ARL15: variants seen among roughly 807,000 people sequenced by gnomAD.
The protein encoded by ARL15 is ARF like GTPase 15.
Under a neutral mutation model 25.2 loss-of-function variants are expected in ARL15, and 19 were observed. The observed-to-expected ratio is 0.75, with a 90% CI of 0.53 to 1.10. The LOEUF (loss-of-function observed/expected upper bound fraction) is 1.10. Ranked by LOEUF, ARL15 falls within the 50% of genes least tolerant of loss-of-function variation. ARL15 has a pLI of 0.00. For missense variants in ARL15, 220 were observed against 246.0 expected, an observed-to-expected ratio of 0.89 and a Z score of 0.71; for synonymous variants, 94 against 86.8, an observed-to-expected ratio of 1.08 and a Z score of -0.46.
At chr5:54,128,706 CTTTTTTTT>C (rs34430326) in intron 3 of ARL15, among the ~76,000 whole-genome samples, 4 of 130,254 alleles carry the variant, frequency 3.1e-5, no homozygotes, top group Admixed American at 2.5e-4. Context: ...TATTTTGATT[CTTTTTTTT>C]TTTTTTTTTG....
intron 4 of ARL15, among the ~76,000 whole-genome samples, chr5:54,014,455 A>G (rs558200331): frequency 1.9e-3 from 296 of 151,848 alleles, no homozygotes; most frequent in African/African-American, 6.8e-3. Context: ...GTAATCATTT[A>G]TTGCCCTTCA....
intron 3 of ARL15, among the ~76,000 whole-genome samples, chr5:54,128,706 C>CTTTT (rs34430326): frequency 2.3e-5 from 3 of 130,246 alleles, no homozygotes; most frequent in Non-Finnish European, 4.8e-5. Context: ...TATTTTGATT[C>CTTTT]TTTTTTTTTT....
chr5:54,214,838 C>A (rs571787856), intron 1 of ARL15, among the ~76,000 whole-genome samples: 1 of 152,126 alleles, frequency 6.6e-6, no homozygotes, highest in East Asian at 1.9e-4. Flanking sequence ...TAGCTGTGAC[C>A]CCACATTGGA....
At chr5:54,097,094 C>CTGTGA (rs1394377419) in intron 4 of ARL15, among the ~76,000 whole-genome samples, 2 of 152,090 alleles carry the variant, frequency 1.3e-5, no homozygotes, top group Non-Finnish European at 2.9e-5. Flanking sequence ...GGCACAGTGG[C>CTGTGA]TCATGAGGTC....
chr5:53,904,426 A>C (rs1444992419), intron 4 of ARL15, among the ~76,000 whole-genome samples: 6 of 152,204 alleles, frequency 3.9e-5, no homozygotes, highest in African/African-American at 2.4e-5. Flanking sequence ...GAAAAACTAA[A>C]TGGAATGAGT....
chr5:53,978,664 C>T (rs1357147046), intron 4 of ARL15, among the ~76,000 whole-genome samples: 2 of 138,410 alleles, frequency 1.4e-5, no homozygotes. Context: ...ATAAAAGAAG[C>T]ATCACAGCAG....
At chr5:54,032,910 T>G (rs529636193) in intron 4 of ARL15, among the ~76,000 whole-genome samples, 27 of 152,198 alleles carry the variant, frequency 1.8e-4, no homozygotes, top group African/African-American at 6.3e-4. Context: ...ACTAAAAATG[T>G]TGGTTAATGT....
At chr5:53,978,681 G>C (rs1015003933) in intron 4 of ARL15, among the ~76,000 whole-genome samples, 2 of 150,398 alleles carry the variant, frequency 1.3e-5, no homozygotes, top group Admixed American at 6.6e-5. Flanking sequence ...GCAGGCAAGA[G>C]GTATGCTAAA....
chr5:54,112,817 T>C (rs971043466), intron 4 of ARL15, among the ~76,000 whole-genome samples: 3 of 152,132 alleles, frequency 2.0e-5, no homozygotes, highest in Non-Finnish European at 2.9e-5. Context: ...AACAAGAACA[T>C]GACACCTGAA....
chr5:53,965,907 T>C (rs1436997884), intron 4 of ARL15, among the ~76,000 whole-genome samples: 1 of 152,184 alleles, frequency 6.6e-6, no homozygotes, highest in East Asian at 1.9e-4. Flanking sequence ...GTGGGGAACA[T>C]CGACAAACTC....
At chr5:53,939,559 A>G (rs1404293986) in intron 4 of ARL15, among the ~76,000 whole-genome samples, 1 of 152,050 alleles carries the variant, frequency 6.6e-6, no homozygotes, top group Admixed American at 6.5e-5. Context: ...ACATGATGAA[A>G]CCCTGTCTCT....
At chr5:54,231,338 C>A (rs1756664191) in intron 1 of ARL15, among the ~76,000 whole-genome samples, 2 of 152,128 alleles carry the variant, frequency 1.3e-5, no homozygotes, top group African/African-American at 2.4e-5. Flanking sequence ...TTCTCTCAAT[C>A]CCCACTGCCC....
chr5:53,983,545 A>G (rs1185963771), intron 4 of ARL15, among the ~76,000 whole-genome samples: 1 of 151,836 alleles, frequency 6.6e-6, no homozygotes, highest in Non-Finnish European at 1.5e-5. Flanking sequence ...ACTCTGGTTC[A>G]CTCCTGTTTC....
chr5:54,247,411 G>A (rs940781265), intron 1 of ARL15, among the ~76,000 whole-genome samples: 13 of 151,756 alleles, frequency 8.6e-5, no homozygotes, highest in South Asian at 6.2e-4. Context: ...ATGTGGGGTC[G>A]GCTGGTAGGG....
At chr5:53,929,817 C>A (rs966788408) in intron 4 of ARL15, among the ~76,000 whole-genome samples, 10 of 151,914 alleles carry the variant, frequency 6.6e-5, no homozygotes, top group African/African-American at 2.4e-4. Context: ...TGGCAGAATG[C>A]AAATGGGAAA....
chr5:54,148,109 T>C (rs1337271742), intron 3 of ARL15, among the ~76,000 whole-genome samples: 2 of 152,166 alleles, frequency 1.3e-5, no homozygotes, highest in Non-Finnish European at 2.9e-5. Flanking sequence ...AAGCTTTATT[T>C]TGGTGAAAGA....
At chr5:54,168,097 A>G (rs1233694579) in intron 2 of ARL15, among the ~76,000 whole-genome samples, 2 of 152,242 alleles carry the variant, frequency 1.3e-5, no homozygotes, top group Admixed American at 6.5e-5. Flanking sequence ...GGTTGTTTGT[A>G]TATTTTGTTA....
chr5:54,141,967 C>A (rs1753794246), intron 3 of ARL15, among the ~76,000 whole-genome samples: 1 of 152,126 alleles, frequency 6.6e-6, no homozygotes, highest in Non-Finnish European at 1.5e-5. Flanking sequence ...TATCCATTCA[C>A]CAATTGATGA....
intron 4 of ARL15, among the ~76,000 whole-genome samples, chr5:54,054,194 C>T (rs987643210): frequency 6.6e-6 from 1 of 152,184 alleles, no homozygotes; most frequent in African/African-American, 2.4e-5. Flanking sequence ...AAATCACTAT[C>T]CTGAATGTTG....
Sources: gnomAD v4.1 joint callset for allele counts (sites outside exome capture counted in the v4.1 genomes callset) on GRCh38, gnomAD v4.1.1 for gene constraint, MANE v1.5 for transcripts, NCBI Gene and HGNC (gene_info 2026-07-23, HGNC 2026-07-21) for gene names.